Variants in ADAMTS2 observed in about 807,000 individuals in gnomAD.
ADAMTS2 encodes A disintegrin and metalloproteinase with thrombospondin motifs 2.
A neutral mutation model predicts 123.0 loss-of-function variants in ADAMTS2; 50 were observed. That is an observed-to-expected ratio of 0.41 (90% CI 0.32 to 0.51). The LOEUF is 0.51. Ranked by LOEUF, ADAMTS2 falls within the 20% of genes least tolerant of loss-of-function variation. The pLI is 0.35. For synonymous variants in ADAMTS2, 678 were observed against 695.4 expected (o/e 0.98, Z 0.39); for missense variants, 1,494 against 1,705.2 (o/e 0.88, Z 2.18).
At chr5:179,330,230 G>A (rs1165259373) in intron 2 of ADAMTS2, among the ~76,000 whole-genome samples, 3 of 151,958 alleles carry the variant, frequency 2.0e-5, no homozygotes, top group African/African-American at 4.8e-5. Flanking sequence ...GCGGACTCCT[G>A]CAGGCCTTGG....
Position 179,197,022 on chromosome 5 carries a change from G to A in ADAMTS2, c.891+10491C>T, listed in dbSNP as rs1310386412. ...AATTTTGCTTTCATGCAAGTAATAC[G>A]TCCAAATTTACTTTAATGTAAAACT... On this transcript the variant is annotated intron_variant, in intron 4 of 21. Coordinates refer to ENST00000251582, the MANE Select transcript of ADAMTS2 (RefSeq NM_014244.5). The surrounding 1 kb of genome is among the most constrained non-coding windows in gnomAD (Gnocchi z 4.2). Among the ~76,000 whole-genome samples, 4 of 152,212 alleles carry A rather than the reference G, an allele frequency of 2.6e-5. No homozygotes were observed. The highest frequency in any genetic ancestry group is 2.0e-4 in the Admixed American group (3 of 15,282).
At chr5:179,329,645 A>G (rs1757427655) in intron 2 of ADAMTS2, among the ~76,000 whole-genome samples, 1 of 152,202 alleles carries the variant, frequency 6.6e-6, no homozygotes, top group Admixed American at 6.5e-5. Context: ...CTGAGTAACC[A>G]GAAGAAAGCA....
chr5:179,338,110 C>G (rs7727979), intron 2 of ADAMTS2, among the ~76,000 whole-genome samples: 36,325 of 152,150 alleles, frequency 0.24, 4,493 homozygotes, highest in Admixed American at 0.29. Flanking sequence ...AGAAACATAC[C>G]CAGCCACACA....
At chr5:179,282,679 G>C (rs1766948545) in intron 2 of ADAMTS2, among the ~76,000 whole-genome samples, 1 of 152,146 alleles carries the variant, frequency 6.6e-6, no homozygotes, top group Admixed American at 6.5e-5. Context: ...GCTGGGATTT[G>C]ATAGAATTAA....
At chr5:179,127,108 C>T (rs1258052193) in intron 17 of ADAMTS2, among the ~76,000 whole-genome samples, 5 of 152,144 alleles carry the variant, frequency 3.3e-5, no homozygotes, top group East Asian at 3.9e-4. Flanking sequence ...TTCCCTCAAA[C>T]GGTTACTTTG....
At chr5:179,186,647 T>G (rs1484412928) in intron 4 of ADAMTS2, among the ~76,000 whole-genome samples, 1 of 152,172 alleles carries the variant, frequency 6.6e-6, no homozygotes, top group Non-Finnish European at 1.5e-5. Flanking sequence ...GCGTCCTCAG[T>G]AAGGACACAG....
Position 179,260,307 on chromosome 5 carries a change from T to C in ADAMTS2, c.688+12604A>G, listed in dbSNP as rs1004756332. Among the ~76,000 whole-genome samples the C allele has an allele frequency of 6.6e-6, 1 of 152,208 alleles. No homozygotes were observed. The highest frequency in any genetic ancestry group is 1.5e-5 in the Non-Finnish European group (1 of 68,034). On this transcript the variant is annotated intron_variant, in intron 3 of 21. Coordinates refer to ENST00000251582, the MANE Select transcript of ADAMTS2 (RefSeq NM_014244.5). This position sits in a 1 kb window ranked among gnomAD's most constrained non-coding sequence, Gnocchi z 4.2. ...TAGGCACTATGCTTATTCTTTCTTT[T>C]CACGGATATTTACGCACCAACCGTG...
chr5:179,208,958 C>A (rs1764785151), intron 3 of ADAMTS2, among the ~76,000 whole-genome samples: 1 of 152,202 alleles, frequency 6.6e-6, no homozygotes. Context: ...CCCTGCTGCA[C>A]CACCTCTCTA....
At chr5:179,247,545 T>C (rs1017484993) in intron 3 of ADAMTS2, among the ~76,000 whole-genome samples, 4 of 152,150 alleles carry the variant, frequency 2.6e-5, no homozygotes, top group Admixed American at 6.5e-5. Context: ...ACTCCAAGTT[T>C]GAAAACTCAA....
chr5:179,295,375 C>T (rs1756299952), intron 2 of ADAMTS2, among the ~76,000 whole-genome samples: 1 of 152,158 alleles, frequency 6.6e-6, no homozygotes, highest in Non-Finnish European at 1.5e-5. Flanking sequence ...GGGAGAGAGA[C>T]AGAAGGTTTT....
At position 179,345,142 on chromosome 5, in the gene ADAMTS2, G is replaced by A. The variant is rs1387319124; in HGVS notation, c.139+48C>T. 4.3e-5 allele frequency: 46 copies of A among 1,073,268 alleles called. No individual in the cohort carries two copies. Among genetic ancestry groups the A allele is most frequent in the Non-Finnish European group, 5.0e-5 (44 of 886,646 alleles). 66.5% of individuals were successfully genotyped at this position (1,073,268 alleles called of 1,614,324 possible). A position where few individuals can be genotyped will look rare whatever the true frequency, so the allele number is the denominator to read the frequency against. ...GGGGGCGGCGGGGCACGCGGGACAG[G>A]GCCAGGCCGGCGGGGGTCCCGGGGA... On this transcript the variant is annotated intron_variant, in intron 1 of 21. Coordinates refer to ENST00000251582, the MANE Select transcript of ADAMTS2 (RefSeq NM_014244.5). This position sits in a 1 kb window ranked among gnomAD's most constrained non-coding sequence, Gnocchi z 7.5.
intron 17 of ADAMTS2, among the ~76,000 whole-genome samples, 156 bp from the exon 18 acceptor site, chr5:179,126,286 G>C (rs565301401): frequency 1.2e-4 from 18 of 152,322 alleles, no homozygotes; most frequent in East Asian, 5.8e-4. Flanking sequence ...GCGGCTGGCT[G>C]GGGGGAGGCC....
In ADAMTS2 at chr5:179,135,974, C is replaced by T; in HGVS notation, c.2020G>A (p.Val674Met). ...TGEVVSMKRM[V>M]HDGTRCSYKD... ...TAGGAGCAGCGCGTCCCGTCATGCACCATGCGCTTCATGGACACCACCTCC... is the reference window on the plus strand; with the variant it reads ...TAGGAGCAGCGCGTCCCGTCATGCATCATGCGCTTCATGGACACCACCTCC... The change falls in exon 13 of 22, where the codon GTG (valine) becomes ATG (methionine). Residue 674 changes from valine to methionine, a missense_variant. Coordinates refer to ENST00000251582, the MANE Select transcript of ADAMTS2 (RefSeq NM_014244.5). 1 of 1,613,460 alleles carries T rather than the reference C, an allele frequency of 6.2e-7. No homozygotes were observed.
intron 2 of ADAMTS2, among the ~76,000 whole-genome samples, chr5:179,322,727 G>T (rs983221707): frequency 1.4e-4 from 22 of 152,222 alleles, no homozygotes; most frequent in Non-Finnish European, 2.2e-4. Flanking sequence ...GCCCAGGCCA[G>T]GCGGGACAGA....
At chr5:179,152,305 C>T (rs1426839602) in intron 9 of ADAMTS2, 50 bp from the exon 10 acceptor site, 2 of 1,550,854 alleles carry the variant, frequency 1.3e-6, no homozygotes, top group African/African-American at 2.7e-5. Context: ...TCAGGGACCT[C>T]CCAGGGATGC....
chr5:179,220,309 A>G (rs1434003787), intron 3 of ADAMTS2, among the ~76,000 whole-genome samples: 4 of 152,204 alleles, frequency 2.6e-5, no homozygotes, highest in African/African-American at 9.6e-5. Context: ...GCTGACAGCC[A>G]GTGCCACGGG....
intron 3 of ADAMTS2, among the ~76,000 whole-genome samples, chr5:179,219,689 G>T (rs1379397332): frequency 2.0e-5 from 3 of 152,232 alleles, no homozygotes. Context: ...AGCTGTGCGA[G>T]CCCCTCTGAG....
At chr5:179,207,491 C>A (rs760118350) in intron 4 of ADAMTS2, 22 bp downstream of exon 4, 7 of 1,423,982 alleles carry the variant, frequency 4.9e-6, no homozygotes, top group South Asian at 1.1e-5. Flanking sequence ...CCCCACCCTG[C>A]CCCCTCAGCC....
chr5:179,338,375 A>G (rs1757679135), intron 2 of ADAMTS2, among the ~76,000 whole-genome samples: 1 of 152,180 alleles, frequency 6.6e-6, no homozygotes, highest in Admixed American at 6.5e-5. Context: ...AGCCCCAGGC[A>G]GAGGTAGATG....
Sources: allele counts gnomAD v4.1 joint callset (sites outside exome capture counted in the v4.1 genomes callset), GRCh38; gene constraint gnomAD v4.1.1; non-coding constraint Gnocchi (gnomAD v3.1); transcripts MANE v1.5; gene names NCBI Gene and HGNC (gene_info 2026-07-23, HGNC 2026-07-21).